ROBO2: variants seen among roughly 807,000 people sequenced by gnomAD.
ROBO2 encodes the protein roundabout guidance receptor 2.
ROBO2 carries 53 observed loss-of-function variants against 160.8 expected under a neutral mutation model. The ratio of observed to expected loss-of-function variants is 0.33; its 90% CI spans 0.26 to 0.41. The LOEUF is 0.41. Ranked by LOEUF, ROBO2 falls within the 10% of genes least tolerant of loss-of-function variation. ROBO2 has a pLI of 1.00. For synonymous variants in ROBO2, 664 were observed against 611.7 expected (o/e 1.09, Z -1.26); for missense variants, 1,577 against 1,722.4 (o/e 0.92, Z 1.49).
At chr3:77,273,085 C>T (rs1054714397) in intron 2 of ROBO2, among the ~76,000 whole-genome samples, 11 of 152,234 alleles carry the variant, frequency 7.2e-5, no homozygotes, top group African/African-American at 1.2e-4. Flanking sequence ...GTACCCAATA[C>T]GTAGTTTTTC....
At chr3:77,409,804 A>G (rs534972199) in intron 2 of ROBO2, among the ~76,000 whole-genome samples, 55 of 152,260 alleles carry the variant, frequency 3.6e-4, no homozygotes, top group Non-Finnish European at 6.8e-4. Flanking sequence ...TCTAGCTCAT[A>G]TTTCCAATTA....
intron 2 of ROBO2, among the ~76,000 whole-genome samples, chr3:76,572,251 A>G (rs1274373488): frequency 6.6e-5 from 10 of 152,146 alleles, no homozygotes; most frequent in Non-Finnish European, 1.2e-4. Flanking sequence ...CTGAGCAGCT[A>G]GTAACTAGGG....
intron 2 of ROBO2, among the ~76,000 whole-genome samples, chr3:76,491,279 G>A (rs1265573074): frequency 1.3e-5 from 2 of 152,090 alleles, no homozygotes; most frequent in African/African-American, 4.8e-5. Flanking sequence ...AAAAGTAATA[G>A]GCACCATCAC....
intron 2 of ROBO2, among the ~76,000 whole-genome samples, chr3:77,398,912 AAAGTC>A (rs1303168156): frequency 6.6e-6 from 1 of 152,082 alleles, no homozygotes; most frequent in African/African-American, 2.4e-5. Context: ...TAACTTATTT[AAAGTC>A]AAGTCTTGTA....
chr3:77,247,636 A>T (rs2089880686), intron 2 of ROBO2, among the ~76,000 whole-genome samples: 1 of 152,182 alleles, frequency 6.6e-6, no homozygotes, highest in South Asian at 2.1e-4. Flanking sequence ...AATTCTGAGA[A>T]TTAGAATCCT....
intron 2 of ROBO2, among the ~76,000 whole-genome samples, chr3:77,371,294 C>T (rs1179332853): frequency 6.6e-6 from 1 of 152,142 alleles, no homozygotes; most frequent in Non-Finnish European, 1.5e-5. Context: ...TAGTATGTCT[C>T]CTCTACAAGT....
At chr3:76,985,575 G>GAAAAAAAAAAAAAA (rs532632866) in intron 2 of ROBO2, among the ~76,000 whole-genome samples, 1 of 26,358 alleles carries the variant, frequency 3.8e-5, no homozygotes, top group African/African-American at 1.5e-4. Context: ...GACTCCGTCT[G>GAAAAAAAAAAAAAA]AAAAAAAAAA....
chr3:76,095,995 T>C (rs532602359), intron 2 of ROBO2, among the ~76,000 whole-genome samples: 1 of 152,258 alleles, frequency 6.6e-6, no homozygotes, highest in African/African-American at 2.4e-5. Context: ...AAGTGAAATT[T>C]TAAAAGGTAT....
intron 2 of ROBO2, among the ~76,000 whole-genome samples, chr3:77,249,473 AC>A (rs1403652368): frequency 6.6e-6 from 1 of 152,182 alleles, no homozygotes; most frequent in Non-Finnish European, 1.5e-5. Flanking sequence ...AGGCAGCTGG[AC>A]TTAACATAGC....
intron 2 of ROBO2, among the ~76,000 whole-genome samples, chr3:76,886,946 C>T (rs2073940187): frequency 6.6e-6 from 1 of 152,178 alleles, no homozygotes; most frequent in South Asian, 2.1e-4. Context: ...GGCTAGTAGC[C>T]ACTACCTTGG....
At position 76,487,670 on chromosome 3, in the gene ROBO2, C is replaced by T. The variant is rs149546603; in HGVS notation, c.109+550068C>T. On this transcript the variant is annotated intron_variant, in intron 2 of 26. Coordinates refer to the ROBO2 transcript ENST00000487694. ...CTGTTTAGAGTCCTAGAAGCCTGCA[C>T]TCTAGGTGAAATCCAGCTGCAGCGA... 1.0e-2 allele frequency among the ~76,000 whole-genome samples: 1,519 copies of T among 152,302 alleles called. 23 individuals carry two copies. The highest frequency in any genetic ancestry group is 0.035 in the African/African-American group (1,438 of 41,566).
chr3:76,392,273 T>G (rs571167346), intron 2 of ROBO2, among the ~76,000 whole-genome samples: 6 of 152,300 alleles, frequency 3.9e-5, no homozygotes, highest in Non-Finnish European at 4.4e-5. Flanking sequence ...CTCTGGGGTA[T>G]CTGAGTTTTG....
chr3:77,447,303 T>C (rs1025375635), intron 2 of ROBO2, among the ~76,000 whole-genome samples: 2 of 152,120 alleles, frequency 1.3e-5, no homozygotes, highest in Non-Finnish European at 2.9e-5. Context: ...GTAAGAAACA[T>C]AGTATTCTGA....
chr3:76,059,927 T>A (rs539800296), intron 2 of ROBO2, among the ~76,000 whole-genome samples: 8 of 152,342 alleles, frequency 5.3e-5, no homozygotes, highest in Non-Finnish European at 7.3e-5. Context: ...CATTTCTTGT[T>A]TTTGTCAGGT....
intron 2 of ROBO2, among the ~76,000 whole-genome samples, chr3:77,428,413 T>C (rs1008816556): frequency 7.3e-6 from 1 of 136,986 alleles, no homozygotes; most frequent in African/African-American, 2.8e-5. Context: ...CGGACTGCAG[T>C]GGCGCAATCT....
chr3:77,413,493 C>T (rs962831712), intron 2 of ROBO2, among the ~76,000 whole-genome samples: 1 of 152,000 alleles, frequency 6.6e-6, no homozygotes, highest in Non-Finnish European at 1.5e-5. Flanking sequence ...GAAAGGTTTG[C>T]GTTTTGTTTT....
intron 2 of ROBO2, among the ~76,000 whole-genome samples, chr3:76,793,355 A>G (rs2063487682): frequency 6.6e-6 from 1 of 151,872 alleles, no homozygotes; most frequent in African/African-American, 2.4e-5. Context: ...CAAGATCCAC[A>G]TTGCTAATAG....
intron 2 of ROBO2, among the ~76,000 whole-genome samples, chr3:76,003,621 G>T (rs190906706): frequency 6.6e-6 from 1 of 152,092 alleles, no homozygotes; most frequent in Non-Finnish European, 1.5e-5. Flanking sequence ...CTCCACATTC[G>T]CAGATTCAAC....
chr3:76,251,734 G>T (rs1706015189), intron 2 of ROBO2, among the ~76,000 whole-genome samples: 1 of 152,086 alleles, frequency 6.6e-6, no homozygotes, highest in Admixed American at 6.6e-5. Context: ...CAGTTAAGAT[G>T]ATTGAATTAG....
Sources: allele counts gnomAD v4.1 joint callset (sites outside exome capture counted in the v4.1 genomes callset), GRCh38; gene constraint gnomAD v4.1.1; transcripts MANE v1.5; gene names NCBI Gene and HGNC (gene_info 2026-07-23, HGNC 2026-07-21).